HS6ST3: variants seen among roughly 807,000 people sequenced by gnomAD.
The protein encoded by HS6ST3 is heparan sulfate 6-O-sulfotransferase 3.
Under a neutral mutation model 36.7 loss-of-function variants are expected in HS6ST3, and 12 were observed. The observed-to-expected ratio is 0.33, with a 90% CI of 0.21 to 0.53. HS6ST3 has a LOEUF of 0.53. HS6ST3 is among the 20% of genes least tolerant of loss of function. The pLI is 0.95. For missense variants in HS6ST3, 584 were observed against 640.9 expected (o/e 0.91, Z 0.96); for synonymous variants, 240 against 257.5 (o/e 0.93, Z 0.65).
At chr13:96,360,311 G>C (rs2055231180) in intron 1 of HS6ST3, among the ~76,000 whole-genome samples, 1 of 39,152 alleles carries the variant, frequency 2.6e-5, no homozygotes, top group Non-Finnish European at 7.0e-5. Flanking sequence ...AGGAGCTACT[G>C]ACAAAAAAAA....
chr13:96,165,503 G>T (rs2054156058), intron 1 of HS6ST3, among the ~76,000 whole-genome samples: 1 of 152,174 alleles, frequency 6.6e-6, no homozygotes, highest in African/African-American at 2.4e-5. Flanking sequence ...TAAGACTGCT[G>T]GTTATGTTGT....
chr13:96,699,564 T>A (rs1328832438), intron 1 of HS6ST3, among the ~76,000 whole-genome samples: 1 of 152,184 alleles, frequency 6.6e-6, no homozygotes, highest in Non-Finnish European at 1.5e-5. Flanking sequence ...CTCACACCAG[T>A]TAGAAGGGCG....
intron 1 of HS6ST3, among the ~76,000 whole-genome samples, chr13:96,644,882 T>C (rs1489633065): frequency 6.6e-6 from 1 of 151,982 alleles, no homozygotes; most frequent in Non-Finnish European, 1.5e-5. Context: ...AGGAATAGCA[T>C]GCTTCCATAA....
chr13:96,476,235 G>T (rs751248800), intron 1 of HS6ST3, among the ~76,000 whole-genome samples: 21 of 152,196 alleles, frequency 1.4e-4, no homozygotes, highest in Non-Finnish European at 2.2e-4. Flanking sequence ...TAACACTCCA[G>T]ATAATTAGGT....
intron 1 of HS6ST3, among the ~76,000 whole-genome samples, chr13:96,426,252 T>C (rs2055586545): frequency 6.6e-6 from 1 of 152,206 alleles, no homozygotes; most frequent in South Asian, 2.1e-4. Flanking sequence ...AGGGTTATAT[T>C]GTTCGCACTG....
intron 1 of HS6ST3, among the ~76,000 whole-genome samples, chr13:96,468,477 T>TACAC (rs3051066): frequency 1.4e-3 from 179 of 126,386 alleles, no homozygotes; most frequent in Middle Eastern, 4.1e-3. Context: ...CATACACACA[T>TACAC]ACACACACAC....
At chr13:96,403,352 A>G (rs990663838) in intron 1 of HS6ST3, among the ~76,000 whole-genome samples, 1 of 152,182 alleles carries the variant, frequency 6.6e-6, no homozygotes, top group African/African-American at 2.4e-5. Flanking sequence ...GTCACTGCCA[A>G]AATGGTTAAC....
chr13:96,560,657 G>T (rs1304856529), intron 1 of HS6ST3, among the ~76,000 whole-genome samples: 1 of 152,148 alleles, frequency 6.6e-6, no homozygotes, highest in Non-Finnish European at 1.5e-5. Flanking sequence ...TCCTGGAACT[G>T]ATAAACAATT....
intron 1 of HS6ST3, among the ~76,000 whole-genome samples, chr13:96,744,018 A>AT (rs1314972767): frequency 1.3e-5 from 2 of 151,678 alleles, no homozygotes; most frequent in Non-Finnish European, 2.9e-5. Flanking sequence ...TATGCATGTG[A>AT]TTTTTTTATT....
At chr13:96,499,201 T>C (rs2055992016) in intron 1 of HS6ST3, among the ~76,000 whole-genome samples, 1 of 152,062 alleles carries the variant, frequency 6.6e-6, no homozygotes. Flanking sequence ...AATTCTTATA[T>C]TTTTAGCAGA....
At chr13:96,183,050 A>G (rs910370481) in intron 1 of HS6ST3, among the ~76,000 whole-genome samples, 1 of 152,256 alleles carries the variant, frequency 6.6e-6, no homozygotes. Flanking sequence ...GGCAGTAGAA[A>G]CTAACATGGG....
intron 1 of HS6ST3, among the ~76,000 whole-genome samples, chr13:96,575,614 T>G (rs1292702637): frequency 1.3e-5 from 2 of 152,240 alleles, no homozygotes; most frequent in Non-Finnish European, 2.9e-5. Flanking sequence ...ACAAGGCAGA[T>G]CTTTAGCTTG....
At chr13:96,217,143 A>G (rs963323890) in intron 1 of HS6ST3, among the ~76,000 whole-genome samples, 1 of 152,166 alleles carries the variant, frequency 6.6e-6, no homozygotes, top group African/African-American at 2.4e-5. Context: ...GAAGTTTCCC[A>G]GGGGTCCGGA....
At chr13:96,519,914 C>G (rs74106499) in intron 1 of HS6ST3, among the ~76,000 whole-genome samples, 4,299 of 152,244 alleles carry the variant, frequency 0.028, 191 homozygotes, top group African/African-American at 0.093. Flanking sequence ...CCTTCAATAT[C>G]AAAAATGAAG....
chr13:96,166,031 T>C (rs904833640), intron 1 of HS6ST3, among the ~76,000 whole-genome samples: 7 of 143,808 alleles, frequency 4.9e-5, no homozygotes, highest in Non-Finnish European at 1.0e-4. Flanking sequence ...GTTATTTATT[T>C]ATTTATTTAT....
chr13:96,284,723 A>G (rs1340203764), intron 1 of HS6ST3, among the ~76,000 whole-genome samples: 2 of 151,758 alleles, frequency 1.3e-5, no homozygotes, highest in Non-Finnish European at 2.9e-5. Flanking sequence ...TTTTTTTCTA[A>G]GGTTTTTGTA....
chr13:96,136,682 C>CATATATATATATATATAT (rs56247662), intron 1 of HS6ST3, among the ~76,000 whole-genome samples: 15 of 130,512 alleles, frequency 1.1e-4, no homozygotes, highest in Non-Finnish European at 1.5e-4. Flanking sequence ...TGTTATGAAA[C>CATATATATATATATATAT]ATATATATAT....
intron 1 of HS6ST3, among the ~76,000 whole-genome samples, chr13:96,678,710 G>A (rs183360456): frequency 6.6e-6 from 1 of 151,848 alleles, no homozygotes; most frequent in Admixed American, 6.6e-5. Context: ...ACTAAAAACA[G>A]TATAAAAGCA....
chr13:96,160,693 A>G (rs907720813), intron 1 of HS6ST3, among the ~76,000 whole-genome samples: 1 of 152,356 alleles, frequency 6.6e-6, no homozygotes, highest in South Asian at 2.1e-4. Context: ...TATTCTGAAG[A>G]CAAATGAGGC....
Sources: gnomAD v4.1 joint callset for allele counts (sites outside exome capture counted in the v4.1 genomes callset) on GRCh38, gnomAD v4.1.1 for gene constraint, MANE v1.5 for transcripts, NCBI Gene and HGNC (gene_info 2026-07-23, HGNC 2026-07-21) for gene names.